The following CYB5B variants were observed in gnomAD, a reference collection of about 807,000 sequenced individuals.
CYB5B encodes cytochrome b5 type B.
CYB5B carries 14 observed loss-of-function variants against 21.3 expected under a neutral mutation model. The observed-to-expected ratio is 0.66, with a 90% CI of 0.43 to 1.03. The LOEUF (loss-of-function observed/expected upper bound fraction) is 1.03. Ranked by LOEUF, CYB5B falls within the 50% of genes least tolerant of loss-of-function variation. The pLI, the probability that CYB5B is intolerant of heterozygous loss-of-function variation, is 0.00. For missense variants in CYB5B, 166 were observed against 185.1 expected (o/e 0.90, Z 0.60); for synonymous variants, 69 against 68.4 (o/e 1.01, Z -0.04).
chr16:69,445,953 T>C (rs1408931377), intron 1 of CYB5B, among the ~76,000 whole-genome samples: 1 of 151,754 alleles, frequency 6.6e-6, no homozygotes, highest in Non-Finnish European at 1.5e-5. Context: ...CGAAACTCCA[T>C]CTCAAAAAAA....
intron 1 of CYB5B, among the ~76,000 whole-genome samples, chr16:69,440,210 TTTAAATA>T (rs2014806091): frequency 1.3e-5 from 2 of 151,884 alleles, no homozygotes; most frequent in Admixed American, 6.6e-5. Flanking sequence ...ATTCAATTGT[TTTAAATA>T]TTGAATATTG....
chr16:69,439,872 C>T (rs1253147132), intron 1 of CYB5B, among the ~76,000 whole-genome samples: 1 of 151,478 alleles, frequency 6.6e-6, no homozygotes, highest in Non-Finnish European at 1.5e-5. Context: ...CCATCTTAAA[C>T]ATTTGTTTGT....
chr16:69,432,744 A>G (rs1942335134), intron 1 of CYB5B, among the ~76,000 whole-genome samples: 1 of 152,160 alleles, frequency 6.6e-6, no homozygotes, highest in Non-Finnish European at 1.5e-5. Context: ...ACAGAGTCAT[A>G]AAGTTAGGTG....
intron 1 of CYB5B, among the ~76,000 whole-genome samples, chr16:69,440,024 A>G (rs2014803515): frequency 6.6e-6 from 1 of 151,978 alleles, no homozygotes; most frequent in Admixed American, 6.6e-5. Context: ...GTGCACCACC[A>G]CACCTGGCCA....
At chr16:69,435,956 G>C (rs1259328993) in intron 1 of CYB5B, among the ~76,000 whole-genome samples, 1 of 152,144 alleles carries the variant, frequency 6.6e-6, no homozygotes, top group Non-Finnish European at 1.5e-5. Flanking sequence ...TAATTTTATA[G>C]AAAGAATGCT....
At chr16:69,453,739 A>G (rs1361516822) in intron 3 of CYB5B, among the ~76,000 whole-genome samples, 1 of 152,132 alleles carries the variant, frequency 6.6e-6, no homozygotes, top group East Asian at 1.9e-4. Context: ...TTGTATTTTT[A>G]GTAGAGATGG....
intron 3 of CYB5B, chr16:69,450,237 A>C (rs1422294020): frequency 2.2e-5 from 2 of 90,992 alleles, no homozygotes; most frequent in African/African-American, 7.0e-5. Context: ...AAAAAAAAAA[A>C]AAACCCAAAA....
intron 4 of CYB5B, among the ~76,000 whole-genome samples, chr16:69,460,703 C>G (rs1263225790): frequency 1.3e-5 from 2 of 151,934 alleles, no homozygotes; most frequent in Non-Finnish European, 2.9e-5. Flanking sequence ...CCCAGGTACA[C>G]CCAGAAATAT....
At chr16:69,442,525 T>C (rs2014834494) in intron 1 of CYB5B, among the ~76,000 whole-genome samples, 1 of 152,040 alleles carries the variant, frequency 6.6e-6, no homozygotes, top group Non-Finnish European at 1.5e-5. Context: ...TACTTTTTAA[T>C]ATTTATGTAT....
chr16:69,430,481 A>C lies in CYB5B; in HGVS notation c.174+5624A>C, dbSNP rs562393682. On this transcript the variant is annotated intron_variant, in intron 1 of 4. Coordinates refer to ENST00000307892, the MANE Select transcript of CYB5B (RefSeq NM_030579.3). ...GTGATCCTTCCGCCTTGGCCTCCCA[A>C]AATGTTGGGATTACAGGCATGAGCC... Among the ~76,000 whole-genome samples, 3 of 151,984 alleles carry C rather than the reference A, an allele frequency of 2.0e-5. No individual in the cohort carries two copies. In the East Asian group the frequency reaches 5.8e-4, roughly 30 times the overall value.
rs1442468228 is a variant in CYB5B, at chr16:69,465,603, C to T, written c.*3083C>T. On this transcript the variant is annotated 3_prime_UTR_variant, in exon 5 of 5. Coordinates refer to ENST00000307892, the MANE Select transcript of CYB5B (RefSeq NM_030579.3). ...ATCAGAACACTGTCGAGTTTATACT[C>T]ATTTAGCTGCAATGTGGGACAATGA... 1 of 152,216 alleles carries T rather than the reference C, an allele frequency of 6.6e-6. No individual in the cohort carries two copies. The highest frequency in any genetic ancestry group is 2.1e-4 in the South Asian group (1 of 4,824). 9.4% of individuals were successfully genotyped at this position (152,216 alleles called of 1,614,324 possible).
At chr16:69,455,878 C>A (rs955235335) in intron 3 of CYB5B, among the ~76,000 whole-genome samples, 1 of 152,056 alleles carries the variant, frequency 6.6e-6, no homozygotes, top group African/African-American at 2.4e-5. Context: ...CTTCTCTCTA[C>A]CCTTTAGAAG....
At chr16:69,452,669 C>CA (rs199841748) in intron 3 of CYB5B, among the ~76,000 whole-genome samples, 17 of 151,344 alleles carry the variant, frequency 1.1e-4, no homozygotes, top group African/African-American at 2.2e-4. Context: ...GACCCTGTCT[C>CA]AAAAAAAATT....
Position 69,459,096 on chromosome 16 carries a change from C to A in CYB5B, c.337C>A (p.Pro113Thr), listed in dbSNP as rs2015008725. The A allele has an allele frequency of 1.9e-6, 3 of 1,600,646 alleles. No individual in the cohort carries two copies. Among genetic ancestry groups the A allele is most frequent in the Non-Finnish European group, 2.6e-6 (3 of 1,175,250 alleles). Residue 113 changes from proline to threonine, a missense_variant, in exon 4 of 5, where the codon CCT becomes ACT. Coordinates refer to ENST00000307892, the MANE Select transcript of CYB5B (RefSeq NM_030579.3). ...DLKPESGSKD[P>T]SKNDTCKSCW... is the part of the protein sequence containing the mutation. ...TTTTTTTTTTTTTTTATTTCAGGACCCTTCAAAAAATGATACATGCAAAAG... is the reference window on the plus strand; with the variant it reads ...TTTTTTTTTTTTTTTATTTCAGGACACTTCAAAAAATGATACATGCAAAAG...
At chr16:69,427,353 G>T (rs967122150) in intron 1 of CYB5B, among the ~76,000 whole-genome samples, 1 of 151,918 alleles carries the variant, frequency 6.6e-6, no homozygotes, top group Admixed American at 6.6e-5. Flanking sequence ...CTTACAGAGA[G>T]CATTAATTCA....
chr16:69,432,508 C>T (rs926855569), intron 1 of CYB5B, among the ~76,000 whole-genome samples: 1 of 152,044 alleles, frequency 6.6e-6, no homozygotes, highest in East Asian at 1.9e-4. Flanking sequence ...CTACATCTTC[C>T]GTGCATATAC....
intron 1 of CYB5B, among the ~76,000 whole-genome samples, chr16:69,433,151 C>T (rs1285605595): frequency 6.6e-6 from 1 of 152,192 alleles, no homozygotes; most frequent in Non-Finnish European, 1.5e-5. Flanking sequence ...TTTTTCATGG[C>T]TGCAGAGTAT....
chr16:69,449,457 A>G (rs1346205262), intron 3 of CYB5B: 3 of 152,380 alleles, frequency 2.0e-5, no homozygotes. Flanking sequence ...TATAGGAGCC[A>G]TAACACATTT....
rs1413265779 is a variant in CYB5B at position 69,463,681 on chromosome 16, GTATTTGA to G, written c.*1162_*1168del. On this transcript the variant is annotated 3_prime_UTR_variant, in exon 5 of 5. Coordinates refer to ENST00000307892, the MANE Select transcript of CYB5B (RefSeq NM_030579.3). ...AGTAAAGTAACTTCCATATAAAATG[GTATTTGA>G]AAGTGAGAGTTCATGACAACAGACC... 2 of 152,070 alleles carry G rather than the reference GTATTTGA, an allele frequency of 1.3e-5. No individual in the cohort carries two copies. The highest frequency in any genetic ancestry group is 2.9e-5 in the Non-Finnish European group (2 of 68,026). 9.4% of individuals were successfully genotyped at this position (152,070 alleles called of 1,614,324 possible).
Sources: gnomAD v4.1 joint callset for allele counts (sites outside exome capture counted in the v4.1 genomes callset) on GRCh38, gnomAD v4.1.1 for gene constraint, MANE v1.5 for transcripts, NCBI Gene and HGNC (gene_info 2026-07-23, HGNC 2026-07-21) for gene names.